The following FRMD5 variants were observed in gnomAD, a reference collection of about 807,000 sequenced individuals.
The protein encoded by FRMD5 is FERM domain containing 5, also known as FERM domain-containing protein 5.
Under a neutral mutation model 69.0 loss-of-function variants are expected in FRMD5, and 20 were observed. That is an observed-to-expected ratio of 0.29 (90% confidence interval 0.20 to 0.42). The LOEUF is 0.42. Among genes scored for constraint, FRMD5 ranks in the 10% least tolerant of loss-of-function variants. The probability of loss-of-function intolerance (pLI) is 1.00; values close to 1 mark genes in which losing one functional copy is unlikely to be tolerated. For missense variants in FRMD5, 595 were observed against 708.6 expected (o/e 0.84, Z 1.82); for synonymous variants, 271 against 260.1 (o/e 1.04, Z -0.40).
chr15:43,885,824 C>A, intron 10 of FRMD5, 69 bp from the exon 11 acceptor site: 1 of 1,193,468 alleles, frequency 8.4e-7, no homozygotes, highest in South Asian at 1.2e-5. Context: ...GCAGCACATC[C>A]CCAGCTTCTT....
In FRMD5 at chr15:44,058,717, T is replaced by C. The variant is rs868209415; in HGVS notation, c.103-134408A>G. On this transcript the variant is annotated intron_variant, in intron 1 of 13. Coordinates refer to ENST00000417257, the MANE Select transcript of FRMD5 (RefSeq NM_032892.5). The stretch of plus-strand genomic sequence containing the variant: ...AGGAGAATGGCGTGAACCTGGAAGG[T>C]GGAGCTTGCAGTGAGCCGAGATTGC... Among the ~76,000 whole-genome samples the C allele has an allele frequency of 2.6e-3, 373 of 143,330 alleles. 2 individuals are homozygous for C. The highest frequency in any genetic ancestry group is 9.2e-3 in the African/African-American group (357 of 38,650). 94.0% of individuals were successfully genotyped at this position (143,330 alleles called of 152,430 possible).
chr15:44,085,022 T>G (rs1290233151), intron 1 of FRMD5, among the ~76,000 whole-genome samples: 2 of 152,122 alleles, frequency 1.3e-5, no homozygotes, highest in African/African-American at 4.8e-5. Context: ...GATTTACCTA[T>G]GGAAATCTAA....
intron 1 of FRMD5, among the ~76,000 whole-genome samples, chr15:44,103,360 T>C (rs1284303539): frequency 1.3e-5 from 2 of 152,232 alleles, no homozygotes; most frequent in African/African-American, 4.8e-5. Flanking sequence ...AAAATCATTC[T>C]ATTCAAATTA....
intron 1 of FRMD5, among the ~76,000 whole-genome samples, chr15:44,028,725 C>T (rs754372074): frequency 2.2e-4 from 33 of 152,196 alleles, no homozygotes; most frequent in Non-Finnish European, 4.6e-4. Flanking sequence ...AAGCAGCCTA[C>T]AGCCACATAT....
At chr15:44,107,548 G>A (rs2076737573) in intron 1 of FRMD5, among the ~76,000 whole-genome samples, 1 of 152,038 alleles carries the variant, frequency 6.6e-6, no homozygotes, top group South Asian at 2.1e-4. Context: ...CTCTTGATTT[G>A]TAGTTATCAG....
intron 1 of FRMD5, among the ~76,000 whole-genome samples, chr15:44,075,115 GC>G (rs1893704467): frequency 6.6e-6 from 1 of 152,162 alleles, no homozygotes; most frequent in Non-Finnish European, 1.5e-5. Flanking sequence ...GAACATGTTT[GC>G]TTCTTCATTC....
Position 43,872,828 on chromosome 15 carries a change from C to A in FRMD5, c.*1057G>T. 4.6e-6 allele frequency: 1 copy of A among 218,456 alleles called. No individual in the cohort carries two copies. Among genetic ancestry groups the A allele is most frequent in the Non-Finnish European group, 8.9e-6 (1 of 111,786 alleles). 13.5% of individuals were successfully genotyped at this position (218,456 alleles called of 1,614,324 possible). On this transcript the variant is annotated 3_prime_UTR_variant, in exon 14 of 14. Coordinates refer to ENST00000417257, the MANE Select transcript of FRMD5 (RefSeq NM_032892.5). ...TTCATCAGGCTCTATTTTCTTAATC[C>A]ATAAAGTAAAAACAAAATATGAATT...
intron 1 of FRMD5, among the ~76,000 whole-genome samples, chr15:44,167,523 A>G (rs1402446000): frequency 2.6e-5 from 4 of 152,184 alleles, no homozygotes; most frequent in African/African-American, 4.8e-5. Context: ...TGAGTGACCA[A>G]ATGATGTCCA....
At chr15:44,080,307 G>A (rs1322372562) in intron 1 of FRMD5, among the ~76,000 whole-genome samples, 1 of 152,012 alleles carries the variant, frequency 6.6e-6, no homozygotes, top group African/African-American at 2.4e-5. Flanking sequence ...TAAAGGGTTT[G>A]TAGGTATATG....
chr15:44,160,868 TA>T (rs1353685739), intron 1 of FRMD5, among the ~76,000 whole-genome samples: 1 of 152,216 alleles, frequency 6.6e-6, no homozygotes, highest in Non-Finnish European at 1.5e-5. Context: ...TATAACCAGC[TA>T]AAAGAATGCA....
chr15:44,180,314 T>A (rs1443352328), intron 1 of FRMD5, among the ~76,000 whole-genome samples: 1 of 152,024 alleles, frequency 6.6e-6, no homozygotes, highest in Non-Finnish European at 1.5e-5. Flanking sequence ...TTTAATCAAT[T>A]AACATATATT....
intron 13 of FRMD5, among the ~76,000 whole-genome samples, chr15:43,883,437 G>T (rs2088585028): frequency 6.6e-6 from 1 of 152,116 alleles, no homozygotes; most frequent in South Asian, 2.1e-4. Flanking sequence ...AGAACTGCAT[G>T]GAACCTATAG....
chr15:43,998,673 C>T (rs575852798), intron 1 of FRMD5, among the ~76,000 whole-genome samples: 96 of 152,298 alleles, frequency 6.3e-4, no homozygotes, highest in African/African-American at 2.2e-3. Flanking sequence ...ACAAGGGGTG[C>T]TTTTTCAGAT....
At chr15:43,989,929 A>T in intron 1 of FRMD5, 1 of 1,140,736 alleles carries the variant, frequency 8.8e-7, no homozygotes, top group Non-Finnish European at 1.3e-6. Flanking sequence ...GTGGTGCCAG[A>T]TCTTCTCCAT....
intron 1 of FRMD5, among the ~76,000 whole-genome samples, chr15:44,075,979 G>C (rs1893743593): frequency 1.3e-5 from 2 of 152,136 alleles, no homozygotes; most frequent in African/African-American, 4.8e-5. Context: ...AGAAGTGTCT[G>C]TTCGTGTCCT....
intron 1 of FRMD5, among the ~76,000 whole-genome samples, chr15:43,997,920 G>T (rs893328673): frequency 6.6e-6 from 1 of 151,982 alleles, no homozygotes; most frequent in African/African-American, 2.4e-5. Flanking sequence ...CTTCCAGTAG[G>T]CCTCTTAAAG....
At chr15:44,078,298 A>T (rs747135764) in intron 1 of FRMD5, among the ~76,000 whole-genome samples, 4 of 152,148 alleles carry the variant, frequency 2.6e-5, no homozygotes, top group Non-Finnish European at 5.9e-5. Context: ...GGCTTAAATT[A>T]TCAGACCCTG....
intron 1 of FRMD5, among the ~76,000 whole-genome samples, chr15:44,151,740 A>G (rs1595527338): frequency 6.6e-6 from 1 of 152,196 alleles, no homozygotes; most frequent in African/African-American, 2.4e-5. Context: ...GGAAAGAAAA[A>G]AAAGTTTGGA....
intron 1 of FRMD5, among the ~76,000 whole-genome samples, chr15:44,016,360 T>C (rs1214005388): frequency 6.6e-6 from 1 of 152,202 alleles, no homozygotes; most frequent in African/African-American, 2.4e-5. Context: ...AATGTATTTC[T>C]TCATTATACC....
Sources: gnomAD v4.1 joint callset for allele counts (sites outside exome capture counted in the v4.1 genomes callset) on GRCh38, gnomAD v4.1.1 for gene constraint, MANE v1.5 for transcripts, NCBI Gene and HGNC (gene_info 2026-07-23, HGNC 2026-07-21) for gene names.